Variants in AKAP13 observed in about 807,000 individuals in gnomAD.
AKAP13 encodes A-kinase anchoring protein 13, also known as A-kinase anchor protein 13.
Under a neutral mutation model 264.5 loss-of-function variants are expected in AKAP13, and 80 were observed. That is an observed-to-expected ratio of 0.30 (90% CI 0.25 to 0.36). AKAP13 has a LOEUF of 0.36. AKAP13 is among the 10% of genes least tolerant of loss of function. The pLI, the probability that AKAP13 is intolerant of heterozygous loss-of-function variation, is 1.00. For synonymous variants in AKAP13, 1,380 were observed against 1,250.2 expected, an observed-to-expected ratio of 1.10 and a Z score of -2.19; for missense variants, 3,712 against 3,435.2, an observed-to-expected ratio of 1.08 and a Z score of -2.01.
intron 8 of AKAP13, among the ~76,000 whole-genome samples, chr15:85,624,034 C>G (rs373614790): frequency 6.6e-6 from 1 of 152,198 alleles, no homozygotes; most frequent in Non-Finnish European, 1.5e-5. Context: ...GTGAGCATTA[C>G]TAGAGGACAG....
intron 1 of AKAP13, among the ~76,000 whole-genome samples, chr15:85,382,768 T>G (rs1351451503): frequency 1.3e-5 from 2 of 152,352 alleles, no homozygotes; most frequent in Non-Finnish European, 2.9e-5. Context: ...ATTTAGCTTT[T>G]TACCCTCTTT....
rs916046552 is a variant in AKAP13, at chr15:85,581,293, G to A, written c.3225G>A (p.Gln1075=). Residue 1075 remains glutamine (Q), a synonymous_variant, in exon 7 of 37, where the codon CAG becomes CAA. Transcript: ENST00000394518. ...TTGGAGTGAAGAACACTCAATCCCAGGGAAAAACTAGTGCCTGTGAGGTGA... is the reference window on the plus strand; with the variant it reads ...TTGGAGTGAAGAACACTCAATCCCAAGGAAAAACTAGTGCCTGTGAGGTGA... ...LDVGVKNTQS[Q]GKTSACEVSG... is the part of the protein sequence containing the mutation. 6.2e-7 allele frequency: 1 copy of A among 1,614,064 alleles called. No homozygotes were observed. Among genetic ancestry groups the A allele is most frequent in the Non-Finnish European group, 8.5e-7 (1 of 1,180,026 alleles).
At chr15:85,446,883 G>A (rs2073919268) in intron 1 of AKAP13, among the ~76,000 whole-genome samples, 3 of 152,024 alleles carry the variant, frequency 2.0e-5, no homozygotes, top group Admixed American at 1.3e-4. Context: ...AAATATCTGG[G>A]TTTCACCAAG....
intron 4 of AKAP13, among the ~76,000 whole-genome samples, chr15:85,538,074 CACTT>C (rs1052017748): frequency 2.0e-5 from 3 of 152,072 alleles, no homozygotes; most frequent in African/African-American, 2.4e-5. Context: ...TTCCAAGTCT[CACTT>C]AGTTTCTCAG....
chr15:85,692,367 G>T (rs2085333327), intron 16 of AKAP13, among the ~76,000 whole-genome samples: 1 of 152,124 alleles, frequency 6.6e-6, no homozygotes, highest in African/African-American at 2.4e-5. Flanking sequence ...ATTGTCATAT[G>T]TTTTAAAAAA....
chr15:85,582,644 A>G (rs2079171747), intron 7 of AKAP13, among the ~76,000 whole-genome samples: 1 of 144,356 alleles, frequency 6.9e-6, no homozygotes, highest in African/African-American at 2.5e-5. Flanking sequence ...GTATTAGGTC[A>G]TTGGTGGTTT....
rs1378737155 is a variant in AKAP13, at chr15:85,743,670, T to A, written c.8237T>A (p.Ile2746Lys). The change falls in exon 36 of 37, where the codon ATA becomes AAA. Residue 2746 changes from isoleucine (I) to lysine (K), a missense_variant. Ile to Lys is a moderately radical substitution (Grantham distance 102). Around this residue, in one of 3 missense-constraint regions of AKAP13, gnomAD observed 611 missense variants for 539.3 expected, o/e 1.13. Coordinates refer to ENST00000394518, the MANE Select transcript of AKAP13 (RefSeq NM_007200.5). ...RTHKDKGPFH[I>K]LSSTSQTNKG... ...CACAAAGATAAGGGGCCTTTTCACA[T>A]ACTGAGTTCAACCAGCCAGACAAAC... 1.2e-6 allele frequency: 2 copies of A among 1,613,890 alleles called. No homozygotes were observed. The highest frequency in any genetic ancestry group is 2.7e-5 in the African/African-American group (2 of 74,854).
chr15:85,701,973 C>T (rs529109094), intron 17 of AKAP13, among the ~76,000 whole-genome samples: 3 of 152,030 alleles, frequency 2.0e-5, no homozygotes, highest in Non-Finnish European at 4.4e-5. Flanking sequence ...AGGCCAGGCA[C>T]GGTGGCTCAC....
intron 1 of AKAP13, among the ~76,000 whole-genome samples, chr15:85,412,133 G>A (rs1207463863): frequency 1.3e-5 from 2 of 152,190 alleles, no homozygotes; most frequent in East Asian, 3.9e-4. Flanking sequence ...TTGGGTAAAC[G>A]ATTCATTCAA....
At chr15:85,702,653 T>G (rs1370894185) in intron 17 of AKAP13, 1 of 152,216 alleles carries the variant, frequency 6.6e-6, no homozygotes, top group Non-Finnish European at 1.5e-5. Context: ...ATAGTCACCT[T>G]TGACTTGTGG....
intron 8 of AKAP13, among the ~76,000 whole-genome samples, chr15:85,589,281 G>C (rs963018224): frequency 6.6e-6 from 1 of 152,110 alleles, no homozygotes; most frequent in African/African-American, 2.4e-5. Flanking sequence ...GGGACATATG[G>C]TCTCTTAAAA....
Position 85,579,099 on chromosome 15 carries a change from G to A in AKAP13, c.1031G>A (p.Gly344Glu), listed in dbSNP as rs116715824. 887 of 1,614,134 alleles carry A rather than the reference G, an allele frequency of 5.5e-4. 5 individuals carry two copies. Among genetic ancestry groups the A allele is most frequent in the Non-Finnish European group, 1.3e-4 (150 of 1,180,038 alleles). The stretch of plus-strand genomic sequence containing the variant: ...ACTGAGAGCACTCAGTGCTGCCCAG[G>A]GAGCCCTGTTGCACAGACTGAAAGT... Reference protein sequence around the residue: ...EETESTQCCPGSPVAQTESPC... With the variant: ...EETESTQCCPESPVAQTESPC... The change falls in exon 7 of 37, where the codon GGG (glycine) becomes GAG (glutamate). Residue 344 changes from glycine (G) to glutamate (E), a missense_variant. Physicochemically the swap from Gly to Glu is moderately conservative, Grantham distance 98 (BLOSUM62 -2). Transcript: ENST00000394518.
chr15:85,468,278 C>T (rs1441518161), intron 1 of AKAP13, among the ~76,000 whole-genome samples: 1 of 152,142 alleles, frequency 6.6e-6, no homozygotes, highest in Non-Finnish European at 1.5e-5. Flanking sequence ...GTTGATGCCC[C>T]TTTTAGACGG....
chr15:85,684,561 C>A, intron 15 of AKAP13, 180 bp from the exon 16 acceptor site: 1 of 602,452 alleles, frequency 1.7e-6, no homozygotes, highest in Non-Finnish European at 2.8e-6. Context: ...GACAAGTGAA[C>A]AAGAAAACAT....
intron 17 of AKAP13, among the ~76,000 whole-genome samples, chr15:85,698,323 G>A (rs916172458): frequency 2.0e-5 from 3 of 151,828 alleles, no homozygotes; most frequent in East Asian, 1.9e-4. Flanking sequence ...AAAGTTAGTC[G>A]GGCATGGTGG....
chr15:85,434,328 G>A (rs1018570644), intron 1 of AKAP13, among the ~76,000 whole-genome samples: 39 of 152,140 alleles, frequency 2.6e-4, no homozygotes, highest in African/African-American at 9.4e-4. Context: ...CTACGCCCAC[G>A]GAATCTCGCT....
chr15:85,626,019 G>A (rs1470045446), intron 8 of AKAP13, among the ~76,000 whole-genome samples: 1 of 152,176 alleles, frequency 6.6e-6, no homozygotes, highest in African/African-American at 2.4e-5. Context: ...GATACGCTTG[G>A]TGGTATTGCT....
In AKAP13 at chr15:85,581,685, A is replaced by G. The variant is rs2079144184; in HGVS notation, c.3617A>G (p.Asp1206Gly). The G allele has an allele frequency of 9.3e-6, 15 of 1,613,984 alleles. No homozygotes were observed. The highest frequency in any genetic ancestry group is 3.3e-5 in the Admixed American group (2 of 60,006). The change falls in exon 7 of 37, where the codon GAT (aspartate) becomes GGT (glycine). Residue 1206 changes from aspartate (D) to glycine (G), a missense_variant. Asp to Gly is a moderately conservative substitution (Grantham distance 94). Transcript: ENST00000394518. ...PTDMELSAHD[D>G]GAPAGVREVM... ...GACATGGAGCTCTCAGCCCATGATG[A>G]TGGGGCCCCAGCTGGTGTGAGGGAA...
chr15:85,432,944 A>G (rs918375578), intron 1 of AKAP13, among the ~76,000 whole-genome samples: 4 of 151,378 alleles, frequency 2.6e-5, no homozygotes, highest in Non-Finnish European at 4.4e-5. Flanking sequence ...TTTGGAAAAT[A>G]TAGAAAGAAA....
Sources: allele counts gnomAD v4.1 joint callset (sites outside exome capture counted in the v4.1 genomes callset), GRCh38; gene constraint gnomAD v4.1.1; regional missense constraint gnomAD v4.1.1; transcripts MANE v1.5; gene names NCBI Gene and HGNC (gene_info 2026-07-23, HGNC 2026-07-21).